Variants in WASHC5 observed in about 807,000 individuals in gnomAD.
The protein encoded by WASHC5 is WASH complex subunit 5.
A neutral mutation model predicts 150.4 loss-of-function variants in WASHC5; 101 were observed. The ratio of observed to expected loss-of-function variants is 0.67; its 90% CI spans 0.57 to 0.79. The LOEUF is 0.79. WASHC5 is among the 30% of genes least tolerant of loss of function. The pLI, the probability that WASHC5 is intolerant of heterozygous loss-of-function variation, is 0.00. For synonymous variants in WASHC5, 467 were observed against 491.2 expected (o/e 0.95, Z 0.65); for missense variants, 1,195 against 1,396.3 (o/e 0.86, Z 2.30).
chr8:125,041,721 T>C (rs1815895395), intron 23 of WASHC5, among the ~76,000 whole-genome samples: 1 of 152,156 alleles, frequency 6.6e-6, no homozygotes, highest in African/African-American at 2.4e-5. Flanking sequence ...TGGTCAAAAG[T>C]ATTAAATGAC....
At position 125,037,253 on chromosome 8, in the gene WASHC5, T is replaced by G. The variant is rs777978845; in HGVS notation, c.3165A>C (p.Gln1055His). Residue 1055 changes from glutamine (Q) to histidine (H), a missense_variant, in exon 26 of 29, where the codon CAA becomes CAC. This residue lies in a region of WASHC5 where 997 missense variants were observed against 1,168.1 expected (regional missense o/e 0.85). Coordinates refer to ENST00000318410, the MANE Select transcript of WASHC5 (RefSeq NM_014846.4). ...TATACGTACCCAGATTTTTGTTGTA[T>G]TGAAGTTTTGGCAACTGAGCGATCA... is the stretch of plus-strand genomic sequence containing the variant. ...LFLIAQLPKL[Q>H]YNKNLGMVCR... The G allele has an allele frequency of 1.9e-6, 3 of 1,602,904 alleles. No individual in the cohort carries two copies. The highest frequency in any genetic ancestry group is 2.6e-6 in the Non-Finnish European group (3 of 1,170,030).
intron 9 of WASHC5, among the ~76,000 whole-genome samples, chr8:125,068,082 G>C (rs184848014): frequency 6.6e-6 from 1 of 152,160 alleles, no homozygotes; most frequent in African/African-American, 2.4e-5. Flanking sequence ...CTCACGTCCT[G>C]TCTGTTCGGA....
chr8:125,084,472 G>T (rs776658540), intron 1 of WASHC5, among the ~76,000 whole-genome samples: 1 of 152,220 alleles, frequency 6.6e-6, no homozygotes, highest in Non-Finnish European at 1.5e-5. Context: ...CTTAAGGTAA[G>T]AACATGTCCA....
At position 125,083,984 on chromosome 8, in the gene WASHC5, A is replaced by C. The variant is rs1426577097; in HGVS notation, c.-86T>G. On this transcript the variant is annotated 5_prime_UTR_variant, in exon 2 of 29. Coordinates refer to ENST00000318410, the MANE Select transcript of WASHC5 (RefSeq NM_014846.4). ...TGGTGTCTGTATATTATTAGATGAA[A>C]CCAGGTGTGCAGAGAGATTGGCTCC... 2 of 1,299,094 alleles carry C rather than the reference A, an allele frequency of 1.5e-6. No homozygotes were observed. Among genetic ancestry groups the C allele is most frequent in the East Asian group, 4.9e-5 (2 of 40,862 alleles). The allele number at this position is 1,299,094 out of a possible 1,614,324, so 80.5% of individuals were successfully genotyped here. A position where few individuals can be genotyped will look rare whatever the true frequency, so the allele number is the denominator to read the frequency against.
At chr8:125,057,260 T>A (rs887632796) in intron 15 of WASHC5, among the ~76,000 whole-genome samples, 1 of 152,240 alleles carries the variant, frequency 6.6e-6, no homozygotes, top group Non-Finnish European at 1.5e-5. Flanking sequence ...TTTTACCAGA[T>A]ATGGCTCTGT....
At chr8:125,039,290 C>G (rs1018346658) in intron 24 of WASHC5, among the ~76,000 whole-genome samples, 2 of 152,140 alleles carry the variant, frequency 1.3e-5, no homozygotes, top group Non-Finnish European at 2.9e-5. Flanking sequence ...AGTAGGCAGC[C>G]TCAAATGACA....
intron 1 of WASHC5, among the ~76,000 whole-genome samples, chr8:125,086,822 A>C (rs1817434587): frequency 6.6e-6 from 1 of 152,194 alleles, no homozygotes; most frequent in South Asian, 2.1e-4. Flanking sequence ...AAGAGGAAAG[A>C]CCATGCTGAG....
intron 5 of WASHC5, among the ~76,000 whole-genome samples, chr8:125,081,341 G>A (rs999374373): frequency 2.0e-5 from 3 of 150,798 alleles, no homozygotes; most frequent in Admixed American, 6.6e-5. Flanking sequence ...GAGTTCAGGC[G>A]ATTCTCCTGC....
intron 7 of WASHC5, among the ~76,000 whole-genome samples, chr8:125,075,479 G>A (rs1817028427): frequency 6.6e-6 from 1 of 152,014 alleles, no homozygotes; most frequent in Non-Finnish European, 1.5e-5. Flanking sequence ...GTATCTTACA[G>A]GTTTCATGTA....
In WASHC5 at chr8:125,090,594, T is replaced by C. The variant is rs185070267; in HGVS notation, c.-125+1021A>G. ...CATTTTTAATAATTTGGCGTGGAAC[T>C]GTGATTTTCAGTTTGGGAAGTAATC... is the stretch of plus-strand genomic sequence containing the variant. On this transcript the variant is annotated intron_variant, in intron 1 of 28. Transcript: ENST00000318410. 4.1e-3 allele frequency among the ~76,000 whole-genome samples: 629 copies of C among 152,348 alleles called. 5 individuals carry two copies. The highest frequency in any genetic ancestry group is 0.014 in the African/African-American group (598 of 41,574).
At chr8:125,081,575 C>T (rs1817263725) in intron 5 of WASHC5, 86 bp downstream of exon 5, 1 of 808,820 alleles carries the variant, frequency 1.2e-6, no homozygotes, top group Non-Finnish European at 2.2e-6. Context: ...TGGATTACTG[C>T]TGTTCACAGT....
At chr8:125,051,547 T>G (rs1432088249) in intron 17 of WASHC5, among the ~76,000 whole-genome samples, 2 of 152,120 alleles carry the variant, frequency 1.3e-5, no homozygotes, top group African/African-American at 4.8e-5. Context: ...GTGGAGCAAC[T>G]GAAGGTGAAA....
At position 125,059,210 on chromosome 8, in the gene WASHC5, T is replaced by C. The variant is rs3765213; in HGVS notation, c.1764+12A>G. ...TTCCTAGCAACAGAGAATCTCACTG[T>C]TTTTTGCTTACCTTTAGGAAGGTAG... On this transcript the variant is annotated intron_variant, in intron 14 of 28. Transcript: ENST00000318410. The C allele has an allele frequency of 0.048, 76,302 of 1,599,188 alleles. 5,764 individuals carry two copies. The highest frequency in any genetic ancestry group is 0.32 in the African/African-American group (23,689 of 74,448).
chr8:125,039,492 C>G (rs1815820382), intron 24 of WASHC5, among the ~76,000 whole-genome samples: 1 of 152,154 alleles, frequency 6.6e-6, no homozygotes, highest in East Asian at 1.9e-4. Flanking sequence ...TGGTGTGTCT[C>G]TCACTCGCTC....
intron 1 of WASHC5, among the ~76,000 whole-genome samples, chr8:125,088,552 G>C (rs79177609): frequency 0.027 from 4,099 of 152,074 alleles, 200 homozygotes; most frequent in African/African-American, 0.095. Flanking sequence ...CTAGTCCAGG[G>C]GAAGCAACAT....
At chr8:125,059,855 T>C (rs1816538079) in intron 12 of WASHC5, among the ~76,000 whole-genome samples, 1 of 152,170 alleles carries the variant, frequency 6.6e-6, no homozygotes, top group South Asian at 2.1e-4. Context: ...TTAATGTATA[T>C]AACTGAAGAT....
intron 14 of WASHC5, among the ~76,000 whole-genome samples, chr8:125,058,626 T>C (rs942746526): frequency 6.6e-6 from 1 of 152,118 alleles, no homozygotes; most frequent in Non-Finnish European, 1.5e-5. Context: ...TGAACACCTG[T>C]AATTTCAACT....
intron 26 of WASHC5, among the ~76,000 whole-genome samples, chr8:125,035,440 T>C (rs544393326): frequency 2.6e-5 from 4 of 152,356 alleles, no homozygotes; most frequent in Admixed American, 6.5e-5. Flanking sequence ...TATATTCCTA[T>C]TGAATAATAA....
intron 24 of WASHC5, 50 bp from the exon 25 acceptor site, chr8:125,039,009 A>G: frequency 6.3e-7 from 1 of 1,583,124 alleles, no homozygotes; most frequent in Non-Finnish European, 8.7e-7. Context: ...AAATGAATTT[A>G]TACAAGAGTT....
Sources: allele counts gnomAD v4.1 joint callset (sites outside exome capture counted in the v4.1 genomes callset), GRCh38; gene constraint gnomAD v4.1.1; regional missense constraint gnomAD v4.1.1; transcripts MANE v1.5; gene names NCBI Gene and HGNC (gene_info 2026-07-23, HGNC 2026-07-21).